The following SSBP2 variants were observed in gnomAD, a reference collection of about 807,000 sequenced individuals.
The protein encoded by SSBP2 is single-stranded DNA-binding protein 2.
A neutral mutation model predicts 61.8 loss-of-function variants in SSBP2; 17 were observed. The observed-to-expected ratio is 0.28, with a 90% CI of 0.19 to 0.41. The LOEUF is 0.41. Ranked by LOEUF, SSBP2 falls within the 10% of genes least tolerant of loss-of-function variation. The probability of loss-of-function intolerance (pLI) is 1.00; values close to 1 mark genes in which losing one functional copy is unlikely to be tolerated. For missense variants in SSBP2, 310 were observed against 458.7 expected (o/e 0.68, Z 2.96); for synonymous variants, 139 against 141.3 (o/e 0.98, Z 0.12).
At chr5:81,750,788 GC>G in intron 1 of SSBP2, 192 bp downstream of exon 1, 1 of 617,172 alleles carries the variant, frequency 1.6e-6, no homozygotes, top group Non-Finnish European at 2.7e-6. Flanking sequence ...GCGGCCGCCC[GC>G]CCAGCGCCCG....
chr5:81,646,212 T>C (rs1749252263), intron 2 of SSBP2, among the ~76,000 whole-genome samples: 2 of 152,148 alleles, frequency 1.3e-5, no homozygotes, highest in South Asian at 2.1e-4. Context: ...GAAGAGCTCA[T>C]TAACATCACG....
At chr5:81,585,970 G>T (rs1265656248) in intron 4 of SSBP2, among the ~76,000 whole-genome samples, 1 of 152,130 alleles carries the variant, frequency 6.6e-6, no homozygotes, top group Admixed American at 6.5e-5. Context: ...ACAAGTGACA[G>T]AATTTCCTTT....
intron 1 of SSBP2, among the ~76,000 whole-genome samples, chr5:81,679,498 A>C (rs931688064): frequency 5.9e-5 from 9 of 152,346 alleles, no homozygotes; most frequent in African/African-American, 2.2e-4. Flanking sequence ...CTAACCATAT[A>C]GTGGTATAGT....
chr5:81,458,431 G>T (rs1764315062), intron 10 of SSBP2, among the ~76,000 whole-genome samples: 1 of 152,142 alleles, frequency 6.6e-6, no homozygotes, highest in African/African-American at 2.4e-5. Flanking sequence ...TGTAGAGAGA[G>T]GAAATAATAA....
chr5:81,602,801 G>C (rs1388084776), intron 4 of SSBP2, among the ~76,000 whole-genome samples: 1 of 152,048 alleles, frequency 6.6e-6, no homozygotes, highest in Non-Finnish European at 1.5e-5. Flanking sequence ...AATTTCATTA[G>C]TGGTCCACTG....
chr5:81,474,675 A>G (rs1765470312), intron 6 of SSBP2, 113 bp from the exon 7 acceptor site: 1 of 685,042 alleles, frequency 1.5e-6, no homozygotes, highest in Admixed American at 3.4e-5. Flanking sequence ...GCATTTGAGT[A>G]TTTCTCAAGA....
chr5:81,448,734 G>A (rs776487267), intron 11 of SSBP2, 56 bp downstream of exon 11: 4 of 1,539,156 alleles, frequency 2.6e-6, no homozygotes, highest in Non-Finnish European at 3.6e-6. Flanking sequence ...CTGTTTCATT[G>A]CCCAAATAAA....
At chr5:81,657,049 C>A (rs1750293129) in intron 1 of SSBP2, among the ~76,000 whole-genome samples, 1 of 152,114 alleles carries the variant, frequency 6.6e-6, no homozygotes, top group South Asian at 2.1e-4. Context: ...TCTTTTATTG[C>A]AGGCCTTTTT....
intron 4 of SSBP2, among the ~76,000 whole-genome samples, chr5:81,611,276 T>C (rs1218432602): frequency 6.6e-6 from 1 of 152,202 alleles, no homozygotes; most frequent in Non-Finnish European, 1.5e-5. Flanking sequence ...GTTTTGCTAA[T>C]GATTTTTTGT....
chr5:81,553,452 C>T (rs1772360373), intron 4 of SSBP2, among the ~76,000 whole-genome samples: 1 of 152,134 alleles, frequency 6.6e-6, no homozygotes, highest in African/African-American at 2.4e-5. Context: ...CAGACTTGGG[C>T]TGGACATTTT....
At chr5:81,452,776 A>C (rs1179321236) in intron 10 of SSBP2, among the ~76,000 whole-genome samples, 1 of 152,196 alleles carries the variant, frequency 6.6e-6, no homozygotes, top group Non-Finnish European at 1.5e-5. Context: ...ACCAGAAGAC[A>C]CTGAGGTAGA....
In SSBP2 at chr5:81,413,203, T is replaced by A. The variant is rs1761200218; in HGVS notation, c.*7301A>T. ...ATTTATGTACATCTTTATGGCAACTTATCCCATTACATGAATAGCTCAAGT... is the reference window on the plus strand; with the variant it reads ...ATTTATGTACATCTTTATGGCAACTAATCCCATTACATGAATAGCTCAAGT... On this transcript the variant is annotated 3_prime_UTR_variant, in exon 17 of 17. Coordinates refer to ENST00000320672, the MANE Select transcript of SSBP2 (RefSeq NM_012446.5). 6.6e-6 allele frequency: 1 copy of A among 152,252 alleles called. No homozygotes were observed. Among genetic ancestry groups the A allele is most frequent in the Non-Finnish European group, 1.5e-5 (1 of 68,030 alleles). The allele number at this position is 152,252 out of a possible 1,614,324, so 9.4% of individuals were successfully genotyped here. A position where few individuals can be genotyped will look rare whatever the true frequency, so the allele number is the denominator to read the frequency against.
intron 4 of SSBP2, among the ~76,000 whole-genome samples, chr5:81,608,886 G>A (rs1443342315): frequency 6.6e-6 from 1 of 152,020 alleles, no homozygotes; most frequent in East Asian, 1.9e-4. Context: ...ACAGTGTTCA[G>A]GCAATGATTT....
intron 10 of SSBP2, 117 bp from the exon 11 acceptor site, chr5:81,448,942 T>C (rs1763585613): frequency 1.3e-6 from 1 of 749,618 alleles, no homozygotes; most frequent in African/African-American, 1.8e-5. Context: ...CAAAGTATAG[T>C]AAAGGATAAA....
intron 1 of SSBP2, among the ~76,000 whole-genome samples, chr5:81,717,918 T>C (rs577912989): frequency 5.3e-5 from 8 of 152,240 alleles, no homozygotes; most frequent in Admixed American, 5.2e-4. Flanking sequence ...GGAGGATACA[T>C]GGTTGTGGTC....
chr5:81,493,530 C>T (rs750693101), intron 5 of SSBP2, among the ~76,000 whole-genome samples: 12 of 152,014 alleles, frequency 7.9e-5, no homozygotes, highest in Non-Finnish European at 1.3e-4. Flanking sequence ...CCAAGGTGGG[C>T]GGATCATGAC....
chr5:81,607,973 T>A (rs1745040685), intron 4 of SSBP2, among the ~76,000 whole-genome samples: 1 of 152,158 alleles, frequency 6.6e-6, no homozygotes, highest in Non-Finnish European at 1.5e-5. Flanking sequence ...GTGTGGTAAG[T>A]ATTTACTTCT....
At chr5:81,748,458 T>TA (rs1238779815) in intron 1 of SSBP2, among the ~76,000 whole-genome samples, 3 of 152,050 alleles carry the variant, frequency 2.0e-5, no homozygotes, top group Admixed American at 1.3e-4. Context: ...CAAGTAAACA[T>TA]AAAGAGAAAA....
rs184137396 is a variant in SSBP2, at chr5:81,497,691, G to A, written c.373-8382C>T. ...AGTAAGTAAAAAACAAAGAGCTGGGGACCCCAAATATCCATACTAACAGTA... is the reference window on the plus strand; with the variant it reads ...AGTAAGTAAAAAACAAAGAGCTGGGAACCCCAAATATCCATACTAACAGTA... On this transcript the variant is annotated intron_variant, in intron 5 of 16. Transcript: ENST00000320672. Among the ~76,000 whole-genome samples the A allele has an allele frequency of 5.1e-4, 78 of 152,170 alleles. No individual in the cohort carries two copies. In the Middle Eastern group the frequency reaches 0.014, roughly 27 times the overall value.
Sources: allele counts gnomAD v4.1 joint callset (sites outside exome capture counted in the v4.1 genomes callset), GRCh38; gene constraint gnomAD v4.1.1; transcripts MANE v1.5; gene names NCBI Gene and HGNC (gene_info 2026-07-23, HGNC 2026-07-21).